The following SNX6 variants were observed in gnomAD, a reference collection of about 807,000 sequenced individuals.
The protein encoded by SNX6 is sorting nexin-6.
A neutral mutation model predicts 63.0 loss-of-function variants in SNX6; 34 were observed. The observed-to-expected ratio is 0.54, with a 90% CI of 0.41 to 0.72. The LOEUF (loss-of-function observed/expected upper bound fraction) is 0.72. Ranked by LOEUF, SNX6 falls within the 30% of genes least tolerant of loss-of-function variation. The pLI is 0.00. For synonymous variants in SNX6, 170 were observed against 164.2 expected, an observed-to-expected ratio of 1.04 and a Z score of -0.27; for missense variants, 398 against 471.4, an observed-to-expected ratio of 0.84 and a Z score of 1.44.
chr14:34,568,924 C>T, intron 11 of SNX6: 3 of 1,305,180 alleles, frequency 2.3e-6, no homozygotes, highest in Non-Finnish European at 3.3e-6. Context: ...CCCAGCGCCA[C>T]CCCAGAGGTA....
intron 9 of SNX6, among the ~76,000 whole-genome samples, chr14:34,582,883 G>A (rs1227005004): frequency 6.6e-6 from 1 of 151,528 alleles, no homozygotes; most frequent in African/African-American, 2.4e-5. Context: ...ATAGGCTGAG[G>A]CAAGCAGCTC....
intron 10 of SNX6, among the ~76,000 whole-genome samples, chr14:34,578,140 G>C (rs527881091): frequency 6.6e-6 from 1 of 152,214 alleles, no homozygotes; most frequent in Admixed American, 6.5e-5. Flanking sequence ...GGAGGCAAAG[G>C]TTGCAGTGAG....
At chr14:34,605,565 A>C (rs754468126) in intron 5 of SNX6, 31 bp downstream of exon 5, 194 of 1,510,494 alleles carry the variant, frequency 1.3e-4, no homozygotes, top group Non-Finnish European at 1.5e-4. Context: ...CAACCAAAAA[A>C]AAAAAACAAA....
chr14:34,614,272 C>A (rs377549998), intron 2 of SNX6, among the ~76,000 whole-genome samples: 1 of 150,834 alleles, frequency 6.6e-6, no homozygotes, highest in African/African-American at 2.4e-5. Flanking sequence ...AAAAAAAAAC[C>A]GAAAACAATA....
chr14:34,607,225 A>G (rs558724794), intron 4 of SNX6, among the ~76,000 whole-genome samples: 2 of 152,328 alleles, frequency 1.3e-5, no homozygotes, highest in East Asian at 3.9e-4. Flanking sequence ...ACTTCAGGAT[A>G]AAAGGTGGTA....
intron 11 of SNX6, among the ~76,000 whole-genome samples, chr14:34,569,895 T>C (rs749958037): frequency 1.3e-5 from 2 of 152,190 alleles, no homozygotes; most frequent in African/African-American, 4.8e-5. Context: ...TTTCTCACTA[T>C]TAAGGAATGA....
intron 6 of SNX6, among the ~76,000 whole-genome samples, chr14:34,600,120 A>T (rs566223790): frequency 6.6e-6 from 1 of 152,150 alleles, no homozygotes; most frequent in Non-Finnish European, 1.5e-5. Context: ...TTACTCAAAA[A>T]TTTTAGTTTC....
At chr14:34,581,836 G>GTT (rs33966364) in intron 9 of SNX6, among the ~76,000 whole-genome samples, 1 of 149,888 alleles carries the variant, frequency 6.7e-6, no homozygotes, top group African/African-American at 2.5e-5. Flanking sequence ...TTTGATTTTT[G>GTT]TTTTTTTTTG....
intron 2 of SNX6, among the ~76,000 whole-genome samples, chr14:34,613,832 C>T (rs1264139850): frequency 2.0e-5 from 3 of 148,622 alleles, no homozygotes; most frequent in Admixed American, 6.7e-5. Flanking sequence ...TCTGGGGCCG[C>T]GTGTGGTGGC....
At chr14:34,608,778 A>C (rs542460945) in intron 3 of SNX6, among the ~76,000 whole-genome samples, 1 of 152,194 alleles carries the variant, frequency 6.6e-6, no homozygotes, top group Non-Finnish European at 1.5e-5. Context: ...CTGTAATCCT[A>C]GCACTTTGGA....
chr14:34,566,035 G>GCGGTCTCGAACTCCTGACCT (rs1038949086), intron 13 of SNX6, among the ~76,000 whole-genome samples: 3 of 151,408 alleles, frequency 2.0e-5, no homozygotes, highest in African/African-American at 7.3e-5. Context: ...ATGTTGGCTT[G>GCGGTCTCGAACTCCTGACCT]CGGTCTCGAA....
At chr14:34,578,246 T>C (rs1395543681) in intron 10 of SNX6, among the ~76,000 whole-genome samples, 1 of 152,100 alleles carries the variant, frequency 6.6e-6, no homozygotes, top group Non-Finnish European at 1.5e-5. Context: ...AAAATGTTAA[T>C]ATTCAGAAAC....
chr14:34,583,963 T>A (rs1278468007), intron 9 of SNX6, among the ~76,000 whole-genome samples: 1 of 151,444 alleles, frequency 6.6e-6, no homozygotes. Flanking sequence ...TTCTCCTGCC[T>A]CAGCCTCCTG....
chr14:34,568,765 C>A lies in SNX6; in HGVS notation c.922-752G>T, dbSNP rs892321030. 7.8e-5 allele frequency: 70 copies of A among 899,200 alleles called. No homozygotes were observed. In the African/African-American group the frequency reaches 9.6e-4, roughly 12 times the overall value. 55.7% of individuals were successfully genotyped at this position (899,200 alleles called of 1,614,324 possible). A position where few individuals can be genotyped will look rare whatever the true frequency, so the allele number is the denominator to read the frequency against. ...TCTCTGTCCCTGACGTGTCAGTTTGCGGCCCCCATCTTGGTCCTTTTCCAC... is the reference window on the plus strand; with the variant it reads ...TCTCTGTCCCTGACGTGTCAGTTTGAGGCCCCCATCTTGGTCCTTTTCCAC... On this transcript the variant is annotated intron_variant, in intron 11 of 13. Transcript: ENST00000362031.
At chr14:34,580,036 T>C (rs1166315407) in intron 10 of SNX6, among the ~76,000 whole-genome samples, 1 of 151,920 alleles carries the variant, frequency 6.6e-6, no homozygotes, top group Non-Finnish European at 1.5e-5. Flanking sequence ...AATACAAAAA[T>C]TAGCCTGGCG....
chr14:34,563,190 A>C lies in SNX6; in HGVS notation c.1168-15T>G, dbSNP rs1881007839. 1 of 1,609,828 alleles carries C rather than the reference A, an allele frequency of 6.2e-7. No individual in the cohort carries two copies. Among genetic ancestry groups the C allele is most frequent in the African/African-American group, 1.3e-5 (1 of 74,924 alleles). On this transcript the variant is annotated splice_polypyrimidine_tract_variant and intron_variant, in intron 13 of 13. Transcript: ENST00000362031. ...TGTAGATTACCCTAAAAAAGGAAGA[A>C]AAAATAAATTACAAATTTTATTTCA...
chr14:34,579,614 A>G (rs1881856055), intron 10 of SNX6, among the ~76,000 whole-genome samples: 1 of 152,252 alleles, frequency 6.6e-6, no homozygotes, highest in East Asian at 1.9e-4. Context: ...CTCTAAAACA[A>G]AAAGAATAAA....
chr14:34,626,886 A>G (rs1883849167), intron 2 of SNX6, among the ~76,000 whole-genome samples: 1 of 152,232 alleles, frequency 6.6e-6, no homozygotes, highest in Non-Finnish European at 1.5e-5. Flanking sequence ...CACCAAAAAT[A>G]GGACATAAAG....
At position 34,608,128 on chromosome 14, in the gene SNX6, T is replaced by C; in HGVS notation, c.172A>G (p.Asn58Asp). The C allele has an allele frequency of 1.3e-6, 2 of 1,595,996 alleles. No individual in the cohort carries two copies. The highest frequency in any genetic ancestry group is 1.7e-6 in the Non-Finnish European group (2 of 1,167,892). The change falls in exon 4 of 14, where the codon AAT (asparagine) becomes GAT (aspartate). Residue 58 changes from asparagine (N) to aspartate (D), a missense_variant. Coordinates refer to ENST00000362031, the MANE Select transcript of SNX6 (RefSeq NM_152233.4). ...ACTGAAAACTCGTTTTGTTTAAAATTTGGCAATGAACTCTGTAAAGATAGA... is the reference window on the plus strand; with the variant it reads ...ACTGAAAACTCGTTTTGTTTAAAATCTGGCAATGAACTCTGTAAAGATAGA... ...FTVHTKSSLPNFKQNEFSVVR... is the reference protein window; with the variant it reads ...FTVHTKSSLPDFKQNEFSVVR...
Sources: gnomAD v4.1 joint callset for allele counts (sites outside exome capture counted in the v4.1 genomes callset) on GRCh38, gnomAD v4.1.1 for gene constraint, MANE v1.5 for transcripts, NCBI Gene and HGNC (gene_info 2026-07-23, HGNC 2026-07-21) for gene names.